FAU: variants seen among roughly 807,000 people sequenced by gnomAD.
The protein encoded by FAU is FAU ubiquitin like and ribosomal protein S30 fusion.
For synonymous variants in FAU, 70 were observed against 69.9 expected (o/e 1.00, Z -0.01); for missense variants, 125 against 173.9 (o/e 0.72, Z 1.58).
Position 65,121,538 on chromosome 11 carries a change from G to T in FAU, c.182C>A (p.Ala61Asp), listed in dbSNP as rs775761880. ...EATLGQCGVE[A>D]LTTLEVAGRM... ...GCCTGCTACTTCCAGGGTAGTCAGG[G>T]CCTCCACCCCGCACTGGCCCAGAGT... The change falls in exon 3 of 5, where the codon GCC becomes GAC. Residue 61 changes from alanine (A) to aspartate (D), a missense_variant. Physicochemically the swap from Ala to Asp is moderately radical, Grantham distance 126. Transcript: ENST00000529639. 3 of 1,613,874 alleles carry T rather than the reference G, an allele frequency of 1.9e-6. No individual in the cohort carries two copies. Among genetic ancestry groups the T allele is most frequent in the Non-Finnish European group, 2.5e-6 (3 of 1,179,976 alleles).
At position 65,120,777 on chromosome 11, in the gene FAU, C is replaced by G. The variant is rs1445640554; in HGVS notation, c.306G>C (p.Lys102Asn). The G allele has an allele frequency of 6.2e-7, 1 of 1,605,964 alleles. No individual in the cohort carries two copies. Among genetic ancestry groups the G allele is most frequent in the Non-Finnish European group, 8.5e-7 (1 of 1,174,732 alleles). Residue 102 changes from lysine to asparagine, a missense_variant, in exon 5 of 5, where the codon AAG (lysine) becomes AAC (asparagine). By Grantham distance (94) the Lys-to-Asn change is moderately conservative. Coordinates refer to ENST00000529639, the MANE Select transcript of FAU (RefSeq NM_001997.5). ...KVAKQEKKKK[K>N]TGRAKRRMQY... ...GCATCCGCCGCTTAGCCCGACCTGT[C>G]TTCTTCTTCTTCTTCTCCTGTTTGG...
chr11:65,120,659 G>T lies in FAU; in HGVS notation c.*22C>A, dbSNP rs1249322350. The T allele has an allele frequency of 1.9e-6, 3 of 1,611,938 alleles. No homozygotes were observed. The Admixed American group carries it at 5.0e-5, about 27-fold the overall frequency. Reference sequence around the variant, plus strand: ...TGAACTAAGTGGCTTTTTTATTAGAGAAAGCCAGAATTACAAAAGACTTAA... The same window carrying T: ...TGAACTAAGTGGCTTTTTTATTAGATAAAGCCAGAATTACAAAAGACTTAA... On this transcript the variant is annotated 3_prime_UTR_variant, in exon 5 of 5. Transcript: ENST00000529639.
chr11:65,121,405 A>C, intron 3 of FAU, 95 bp downstream of exon 3: 1 of 1,462,960 alleles, frequency 6.8e-7, no homozygotes, highest in Non-Finnish European at 9.3e-7. Flanking sequence ...GAAGTACTCT[A>C]TTACCATAGG....
chr11:65,120,915 G>A, intron 4 of FAU, 66 bp downstream of exon 4: 1 of 1,610,248 alleles, frequency 6.2e-7, no homozygotes, highest in Non-Finnish European at 8.5e-7. Flanking sequence ...TAAGAGCCCA[G>A]GGACTTGGTT....
At position 65,121,750 on chromosome 11, in the gene FAU, C is replaced by G. The variant is rs1389736816; in HGVS notation, c.64G>C (p.Ala22Pro). ...TFEVTGQETV[A>P]QIKAHVASLE... is the part of the protein sequence containing the mutation. Reference sequence around the variant, plus strand: ...CCAAGCAGCCTTACCTTGATCTGGGCGACCGTTTCCTGGCCGGTCACCTCG... The same window carrying G: ...CCAAGCAGCCTTACCTTGATCTGGGGGACCGTTTCCTGGCCGGTCACCTCG... Residue 22 changes from alanine (A) to proline (P), a missense_variant, in exon 2 of 5, where the codon GCC (alanine) becomes CCC (proline). Coordinates refer to ENST00000529639, the MANE Select transcript of FAU (RefSeq NM_001997.5). 1 of 1,614,112 alleles carries G rather than the reference C, an allele frequency of 6.2e-7. No homozygotes were observed. Among genetic ancestry groups the G allele is most frequent in the Admixed American group, 1.7e-5 (1 of 60,026 alleles).
At chr11:65,121,140 T>C (rs774705487) in intron 3 of FAU, 104 bp from the exon 4 acceptor site, 11 of 1,159,654 alleles carry the variant, frequency 9.5e-6, no homozygotes, top group African/African-American at 9.3e-5. Context: ...CTGCGCCCAA[T>C]AGGTAATGAG....
chr11:65,121,946 GA>G lies in FAU; in HGVS notation c.-8-126del, dbSNP rs972733299. 37 of 925,000 alleles carry G rather than the reference GA, an allele frequency of 4.0e-5. No individual in the cohort carries two copies. The East Asian group carries it at 9.7e-4, about 24-fold the overall frequency. 57.3% of individuals were successfully genotyped at this position (925,000 alleles called of 1,614,324 possible). A position where few individuals can be genotyped will look rare whatever the true frequency, so the allele number is the denominator to read the frequency against. On this transcript the variant is annotated intron_variant, in intron 1 of 4. Coordinates refer to ENST00000529639, the MANE Select transcript of FAU (RefSeq NM_001997.5). ...TGGTGGTCGCGGCGGCTCACGTGGG[GA>G]AGGCCAGGCCTCCCAAGGAGTTCGG...
chr11:65,121,618 A>C lies in FAU; in HGVS notation c.102T>G (p.Ile34Met). The change falls in exon 3 of 5, where the codon ATT (isoleucine) becomes ATG (methionine). Residue 34 changes from isoleucine (I) to methionine (M), a missense_variant. Transcript: ENST00000529639. ...IKAHVASLEG[I>M]APEDQVVLLA... ...GGAGCACGACTTGATCTTCCGGGGCAATGCCCTCCAGTGAGGCTACATGAG... is the reference window on the plus strand; with the variant it reads ...GGAGCACGACTTGATCTTCCGGGGCCATGCCCTCCAGTGAGGCTACATGAG... 1 of 1,614,012 alleles carries C rather than the reference A, an allele frequency of 6.2e-7. No homozygotes were observed. The highest frequency in any genetic ancestry group is 8.5e-7 in the Non-Finnish European group (1 of 1,180,032).
At chr11:65,122,018 C>T (rs1590821236) in intron 1 of FAU, 72 bp downstream of exon 1, 1 of 620,940 alleles carries the variant, frequency 1.6e-6, no homozygotes, top group East Asian at 2.8e-5. Flanking sequence ...TTCTTCGGTT[C>T]CCCCCGCGCC....
At position 65,121,583 on chromosome 11, in the gene FAU, G is replaced by A; in HGVS notation, c.137C>T (p.Ala46Val). ...PEDQVVLLAG[A>V]PLEDEATLGQ... ...CAGAGTGGCCTCATCCTCCAGGGGCGCGCCTGCCAGGAGCACGACTTGATC... is the reference window on the plus strand; with the variant it reads ...CAGAGTGGCCTCATCCTCCAGGGGCACGCCTGCCAGGAGCACGACTTGATC... The change falls in exon 3 of 5, where the codon GCG (alanine) becomes GTG (valine). Residue 46 changes from alanine to valine, a missense_variant. By Grantham distance (64) the Ala-to-Val change is moderately conservative. Transcript: ENST00000529639. 1 of 1,613,990 alleles carries A rather than the reference G, an allele frequency of 6.2e-7. No homozygotes were observed. The highest frequency in any genetic ancestry group is 8.5e-7 in the Non-Finnish European group (1 of 1,180,032).
intron 1 of FAU, 66 bp from the exon 2 acceptor site, chr11:65,121,887 A>G: frequency 6.5e-7 from 1 of 1,539,224 alleles, no homozygotes; most frequent in South Asian, 1.1e-5. Context: ...GAGATTTGGG[A>G]GTGGAAAGCG....
chr11:65,120,655 T>C lies in FAU; in HGVS notation c.*26A>G, dbSNP rs940728955. 3.1e-6 allele frequency: 5 copies of C among 1,612,458 alleles called. 1 individual carries two copies. The highest frequency in any genetic ancestry group is 2.2e-5 in the East Asian group (1 of 44,864). ...TGACTGAACTAAGTGGCTTTTTTATTAGAGAAAGCCAGAATTACAAAAGAC... is the reference window on the plus strand; with the variant it reads ...TGACTGAACTAAGTGGCTTTTTTATCAGAGAAAGCCAGAATTACAAAAGAC... On this transcript the variant is annotated 3_prime_UTR_variant, in exon 5 of 5. Coordinates refer to ENST00000529639, the MANE Select transcript of FAU (RefSeq NM_001997.5).
chr11:65,120,841 TG>T, intron 4 of FAU, 35 bp from the exon 5 acceptor site: 1 of 1,613,086 alleles, frequency 6.2e-7, no homozygotes, highest in East Asian at 2.2e-5. Context: ...CCCTGGTTCC[TG>T]TCTTCCACAC....
At chr11:65,121,456 T>C (rs562451598) in intron 3 of FAU, 44 bp downstream of exon 3, 2 of 1,598,472 alleles carry the variant, frequency 1.3e-6, no homozygotes, top group South Asian at 2.3e-5. Context: ...CCACACTCAC[T>C]AGACGCTTAC....
chr11:65,121,143 G>A lies in FAU; in HGVS notation c.221-107C>T, dbSNP rs933814016. On this transcript the variant is annotated intron_variant, in intron 3 of 4. Transcript: ENST00000529639. ...TTTAAAGAGAAGCTGCGCCCAATAGGTAATGAGAACAAAGTTGCAGATATT... is the reference window on the plus strand; with the variant it reads ...TTTAAAGAGAAGCTGCGCCCAATAGATAATGAGAACAAAGTTGCAGATATT... 4 of 1,118,584 alleles carry A rather than the reference G, an allele frequency of 3.6e-6. No homozygotes were observed. In the South Asian group the frequency reaches 4.1e-5, roughly 11 times the overall value. 69.3% of individuals were successfully genotyped at this position (1,118,584 alleles called of 1,614,324 possible).
chr11:65,121,819 C>T lies in FAU; in HGVS notation c.-6G>A. ...GCGCGGACAAAGAGCTGCATATTGG[C>T]GACTGAGTAAAGAAAAGACGGCTTG... On this transcript the variant is annotated splice_region_variant and 5_prime_UTR_variant, in exon 2 of 5. Coordinates refer to ENST00000529639, the MANE Select transcript of FAU (RefSeq NM_001997.5). The T allele has an allele frequency of 6.2e-7, 1 of 1,613,878 alleles. No homozygotes were observed. The highest frequency in any genetic ancestry group is 8.5e-7 in the Non-Finnish European group (1 of 1,179,946).
Position 65,120,849 on chromosome 11 carries a change from A to G in FAU, c.277-43T>C, listed in dbSNP as rs771675411. ...AATCAGGCCCTGGTTCCTGTCTTCC[A>G]CACCTAGCATCCCTTCCCTCAGGCT... On this transcript the variant is annotated intron_variant, in intron 4 of 4. Coordinates refer to ENST00000529639, the MANE Select transcript of FAU (RefSeq NM_001997.5). The G allele has an allele frequency of 2.5e-6, 4 of 1,612,260 alleles. No homozygotes were observed. In the East Asian group the frequency reaches 8.9e-5, roughly 36 times the overall value.
At chr11:65,121,685 G>A in intron 2 of FAU, 41 bp from the exon 3 acceptor site, 2 of 1,613,730 alleles carry the variant, frequency 1.2e-6, no homozygotes. Context: ...CCCTCGGGCC[G>A]CGAGAGTGAA....
chr11:65,121,844 G>A, intron 1 of FAU, 23 bp from the exon 2 acceptor site: 1 of 1,610,018 alleles, frequency 6.2e-7, no homozygotes, highest in Non-Finnish European at 8.5e-7. Context: ...AAGACGGCTT[G>A]TAAGAGAAGC....
Sources: gnomAD v4.1 joint callset for allele counts on GRCh38, gnomAD v4.1.1 for gene constraint, MANE v1.5 for transcripts, NCBI Gene and HGNC (gene_info 2026-07-23, HGNC 2026-07-21) for gene names.